Variants in SRSF5 observed in about 807,000 individuals in gnomAD.
SRSF5 encodes the protein serine/arginine-rich splicing factor 5.
In SRSF5, 5 loss-of-function variants were observed where a neutral mutation model predicts 34.0. The observed-to-expected ratio is 0.15, with a 90% CI of 0.08 to 0.31. The LOEUF (loss-of-function observed/expected upper bound fraction) is 0.31, where lower values mean the gene tolerates loss of function less well. Among genes scored for constraint, SRSF5 ranks in the 10% least tolerant of loss-of-function variants. The pLI, the probability that SRSF5 is intolerant of heterozygous loss-of-function variation, is 1.00. For missense variants in SRSF5, 223 were observed against 351.4 expected, an observed-to-expected ratio of 0.63 and a Z score of 2.92; for synonymous variants, 164 against 117.7, an observed-to-expected ratio of 1.39 and a Z score of -2.55.
chr14:69,768,369 AT>A (rs1882793137), intron 2 of SRSF5, 87 bp downstream of exon 2: 3 of 1,556,238 alleles, frequency 1.9e-6, no homozygotes, highest in Non-Finnish European at 2.6e-6. Flanking sequence ...CGGGTGGAAT[AT>A]TTGCCTTCAG....
chr14:69,768,547 T>C, intron 2 of SRSF5, 57 bp from the exon 3 acceptor site: 1 of 1,509,360 alleles, frequency 6.6e-7, no homozygotes, highest in Non-Finnish European at 9.2e-7. Flanking sequence ...GTGCTCTTAA[T>C]GTGTTGTAGA....
rs1594744249 is a variant in SRSF5 at position 69,767,187 on chromosome 14, G to C, written c.-88G>C. 1 of 356,554 alleles carries C rather than the reference G, an allele frequency of 2.8e-6. No homozygotes were observed. The highest frequency in any genetic ancestry group is 5.5e-6 in the Non-Finnish European group (1 of 181,530). The allele number at this position is 356,554 out of a possible 1,614,324, so 22.1% of individuals were successfully genotyped here. On this transcript the variant is annotated 5_prime_UTR_variant, in exon 1 of 8. Transcript: ENST00000557154. ...GACGAGTTAAGTCCTGGTCTGCGTG[G>C]AGGTCGACGACTCCGTCGCAGACTA...
chr14:69,770,136 C>T, intron 5 of SRSF5: 2 of 1,052,042 alleles, frequency 1.9e-6, no homozygotes, highest in Non-Finnish European at 2.3e-6. Flanking sequence ...CTACTTTAGT[C>T]TTTACTTTAA....
chr14:69,771,991 AATATT>A lies in SRSF5; in HGVS notation c.*534_*538del, dbSNP rs1283140668. The A allele has an allele frequency of 6.5e-6, 1 of 153,788 alleles. No homozygotes were observed. Among genetic ancestry groups the A allele is most frequent in the Non-Finnish European group, 1.5e-5 (1 of 68,922 alleles). The allele number at this position is 153,788 out of a possible 1,614,324, so 9.5% of individuals were successfully genotyped here. ...AGCAGCTGTTTGTTATTGATAATAA[AATATT>A]ATAAAACTACTTTTTGTCTGTTTGT... On this transcript the variant is annotated 3_prime_UTR_variant, in exon 8 of 8. Coordinates refer to ENST00000557154, the MANE Select transcript of SRSF5 (RefSeq NM_001320214.2).
At position 69,771,554 on chromosome 14, in the gene SRSF5, T is replaced by A; in HGVS notation, c.*93T>A. ...CTTGCTAAAAATTCTGGTAAGTATG[T>A]GCTTTTCTGTGGGGGTGGGATTTGG... On this transcript the variant is annotated 3_prime_UTR_variant, in exon 8 of 8. Coordinates refer to ENST00000557154, the MANE Select transcript of SRSF5 (RefSeq NM_001320214.2). The A allele has an allele frequency of 1.7e-6, 2 of 1,199,096 alleles. No homozygotes were observed. Among genetic ancestry groups the A allele is most frequent in the South Asian group, 1.4e-5 (1 of 69,806 alleles). 74.3% of individuals were successfully genotyped at this position (1,199,096 alleles called of 1,614,324 possible).
chr14:69,769,992 C>A, intron 5 of SRSF5: 1 of 1,034,102 alleles, frequency 9.7e-7, no homozygotes, highest in Non-Finnish European at 1.2e-6. Context: ...AAGGTTTCTC[C>A]GACCGATTAA....
intron 1 of SRSF5, chr14:69,767,682 TTGTGGCCGCAGAGCGCCCGCCCGCTGC>T (rs1369828150): frequency 5.5e-6 from 2 of 365,320 alleles, no homozygotes; most frequent in African/African-American, 4.3e-5. Flanking sequence ...CGCCGCCATT[TTGTGGCCGCAGAGCGCCCGCCCGCTGC>T]TGTTGGCGCA....
chr14:69,770,819 G>A (rs1883115328), intron 6 of SRSF5, 176 bp from the exon 7 acceptor site: 1 of 682,102 alleles, frequency 1.5e-6, no homozygotes, highest in East Asian at 2.7e-5. Flanking sequence ...ACAATGAATT[G>A]GCTCAAAGTA....
At chr14:69,769,396 AT>A in intron 5 of SRSF5, 145 bp downstream of exon 5, 1 of 1,499,848 alleles carries the variant, frequency 6.7e-7, no homozygotes. Flanking sequence ...ATTAAATGTA[AT>A]TTGGGGGATA....
intron 2 of SRSF5, 147 bp downstream of exon 2, chr14:69,768,429 C>G: frequency 7.5e-7 from 1 of 1,332,082 alleles, no homozygotes; most frequent in South Asian, 1.3e-5. Context: ...CTGAAAACAA[C>G]TTTAACTTGC....
intron 1 of SRSF5, 111 bp downstream of exon 1, chr14:69,767,366 CGCA>C: frequency 2.2e-6 from 1 of 455,860 alleles, no homozygotes; most frequent in Middle Eastern, 3.3e-4. Flanking sequence ...GTCTAATGAG[CGCA>C]GTTGATTCGA....
intron 5 of SRSF5, 78 bp from the exon 6 acceptor site, chr14:69,770,389 C>CTTT: frequency 4.5e-6 from 7 of 1,562,412 alleles, no homozygotes; most frequent in Non-Finnish European, 5.2e-6. Context: ...TTTCAGTAGT[C>CTTT]TTGTTTTTTT....
intron 5 of SRSF5, 171 bp downstream of exon 5, chr14:69,769,422 A>G (rs1882956566): frequency 6.6e-7 from 1 of 1,521,816 alleles, no homozygotes; most frequent in Non-Finnish European, 8.8e-7. Flanking sequence ...GAACTTTAAT[A>G]TTAGTGATCA....
intron 2 of SRSF5, 121 bp from the exon 3 acceptor site, chr14:69,768,483 T>A: frequency 3.2e-6 from 4 of 1,231,150 alleles, no homozygotes; most frequent in Non-Finnish European, 3.5e-6. Context: ...TGATTAGGTT[T>A]GACTGTATGG....
chr14:69,767,803 G>A, intron 1 of SRSF5: 2 of 354,024 alleles, frequency 5.6e-6, no homozygotes, highest in South Asian at 4.3e-5. Context: ...CTTTGCGGAG[G>A]GCGCGGGCGG....
At chr14:69,770,655 A>G (rs537541381) in intron 6 of SRSF5, 115 bp downstream of exon 6, 120 of 993,784 alleles carry the variant, frequency 1.2e-4, no homozygotes, top group Middle Eastern at 5.7e-4. Flanking sequence ...TCCAGAGACA[A>G]TTTTGCTGCT....
intron 6 of SRSF5, 25 bp from the exon 7 acceptor site, chr14:69,770,970 T>C (rs1336102439): frequency 2.5e-6 from 4 of 1,596,402 alleles, no homozygotes; most frequent in East Asian, 4.5e-5. Flanking sequence ...GTATATACTT[T>C]AAAAGTGGCT....
chr14:69,769,073 G>T, intron 4 of SRSF5, 109 bp from the exon 5 acceptor site: 2 of 1,353,452 alleles, frequency 1.5e-6, no homozygotes, highest in Non-Finnish European at 2.1e-6. Flanking sequence ...TCTATTGACG[G>T]AAGTCATTAG....
At chr14:69,768,476 T>G in intron 2 of SRSF5, 128 bp from the exon 3 acceptor site, 1 of 1,207,482 alleles carries the variant, frequency 8.3e-7, no homozygotes, top group Non-Finnish European at 1.2e-6. Context: ...GGCTCCTTGA[T>G]TAGGTTTGAC....
Sources: gnomAD v4.1 joint callset for allele counts on GRCh38, gnomAD v4.1.1 for gene constraint, MANE v1.5 for transcripts, NCBI Gene and HGNC (gene_info 2026-07-23, HGNC 2026-07-21) for gene names.